Variants in CACNB2 observed in about 807,000 individuals in gnomAD.
CACNB2 encodes the protein voltage-dependent L-type calcium channel subunit beta-2.
In CACNB2, 42 loss-of-function variants were observed where a neutral mutation model predicts 73.3. The observed-to-expected ratio is 0.57, with a 90% confidence interval of 0.45 to 0.74. CACNB2 has a LOEUF of 0.74. Ranked by LOEUF, CACNB2 falls within the 30% of genes least tolerant of loss-of-function variation. The probability of loss-of-function intolerance (pLI) is 0.00; values close to 1 mark genes in which losing one functional copy is unlikely to be tolerated. For missense variants in CACNB2, 940 were observed against 853.0 expected, an observed-to-expected ratio of 1.10 and a Z score of -1.27; for synonymous variants, 348 against 310.3, an observed-to-expected ratio of 1.12 and a Z score of -1.28.
chr10:18,407,078 G>A (rs1270486005), intron 3 of CACNB2, among the ~76,000 whole-genome samples: 1 of 133,888 alleles, frequency 7.5e-6, no homozygotes, highest in Non-Finnish European at 1.6e-5. Flanking sequence ...TTTACTTCAT[G>A]GTCTTCTAAA....
chr10:18,536,243 C>CTTTTCTTTTTT lies in CACNB2; in HGVS notation c.1302+51_1302+52insCTTTTTTTTTT, dbSNP rs1327787339. On this transcript the variant is annotated intron_variant, in intron 12 of 13. Coordinates refer to ENST00000324631, the MANE Select transcript of CACNB2 (RefSeq NM_201596.3). ...CATAATCCAGTTACAGAGATCAGAC[C>CTTTTCTTTTTT]TTTTTTTTTTTTTTTTTTTTTTTTT... 2.6e-3 allele frequency: 729 copies of CTTTTCTTTTTT among 282,430 alleles called. 52 individuals are homozygous for CTTTTCTTTTTT. Among genetic ancestry groups the CTTTTCTTTTTT allele is most frequent in the South Asian group, 4.2e-3 (114 of 26,934 alleles). The allele number at this position is 282,430 out of a possible 1,614,324, so 17.5% of individuals were successfully genotyped here.
intron 9 of CACNB2, among the ~76,000 whole-genome samples, chr10:18,523,229 A>C (rs1350456366): frequency 6.6e-6 from 1 of 152,198 alleles, no homozygotes; most frequent in Non-Finnish European, 1.5e-5. Context: ...TGAACACTAA[A>C]AAAAATTCTG....
intron 2 of CACNB2, among the ~76,000 whole-genome samples, chr10:18,326,201 G>T (rs2040585682): frequency 2.6e-5 from 4 of 152,060 alleles, no homozygotes; most frequent in Admixed American, 2.0e-4. Flanking sequence ...TTTTAAAAAG[G>T]AAAAAAATGG....
At chr10:18,154,639 C>A (rs565106439) in intron 2 of CACNB2, among the ~76,000 whole-genome samples, 1 of 151,962 alleles carries the variant, frequency 6.6e-6, no homozygotes, top group African/African-American at 2.4e-5. Context: ...GGCTAATATT[C>A]GTATTTTTAG....
At chr10:18,314,553 C>G (rs2040083904) in intron 2 of CACNB2, among the ~76,000 whole-genome samples, 1 of 151,544 alleles carries the variant, frequency 6.6e-6, no homozygotes, top group African/African-American at 2.4e-5. Flanking sequence ...AATTGAAATT[C>G]CACAGTTCAT....
chr10:18,539,325 C>G lies in CACNB2; in HGVS notation c.1584C>G (p.Ser528=), dbSNP rs759979332. 6.2e-7 allele frequency: 1 copy of G among 1,613,926 alleles called. No homozygotes were observed. The highest frequency in any genetic ancestry group is 2.2e-5 in the East Asian group (1 of 44,858). ...EEPSVEPVKK[S]QHRSSSSAPH... is the part of the protein sequence containing the mutation. ...CTAGTGTGGAACCAGTCAAGAAATC[C>G]CAGCACCGCTCTTCCTCCTCAGCCC... The change falls in exon 14 of 14, where the codon TCC becomes TCG. Residue 528 remains serine, a synonymous_variant. Transcript: ENST00000324631.
chr10:18,474,238 G>A (rs556691860), intron 3 of CACNB2, among the ~76,000 whole-genome samples: 1 of 152,190 alleles, frequency 6.6e-6, no homozygotes, highest in Non-Finnish European at 1.5e-5. Flanking sequence ...GCACCCTGCA[G>A]ACTTGCTGTT....
At chr10:18,469,336 T>A (rs569121222) in intron 3 of CACNB2, among the ~76,000 whole-genome samples, 139 of 152,336 alleles carry the variant, frequency 9.1e-4, no homozygotes, top group Admixed American at 9.1e-3. Flanking sequence ...ATGGGTTGGT[T>A]TTTATCATTC....
chr10:18,246,162 A>G (rs549145648), intron 2 of CACNB2, among the ~76,000 whole-genome samples: 1 of 152,298 alleles, frequency 6.6e-6, no homozygotes, highest in South Asian at 2.1e-4. Flanking sequence ...ATTGAAGCCC[A>G]CTACCCTTCC....
rs556649374 is a variant in CACNB2 at position 18,387,667 on chromosome 10, A to G, written c.214-14257A>G. Among the ~76,000 whole-genome samples the G allele has an allele frequency of 3.5e-4, 54 of 152,278 alleles. 1 individual carries two copies. In the South Asian group the frequency reaches 0.011, roughly 30 times the overall value. On this transcript the variant is annotated intron_variant, in intron 2 of 13. Transcript: ENST00000324631. ...ATAGTAGAAGGATCTAGCACATAAC[A>G]TATGCATACACTACCAGGCTGTGAG...
At chr10:18,506,795 T>C in intron 6 of CACNB2, among the ~76,000 whole-genome samples, 1 of 152,182 alleles carries the variant, frequency 6.6e-6, no homozygotes, top group South Asian at 2.1e-4. Flanking sequence ...AATGTATTTA[T>C]TTATTTATTT....
At position 18,459,796 on chromosome 10, in the gene CACNB2, C is replaced by T. The variant is rs137909292; in HGVS notation, c.334-38559C>T. The stretch of plus-strand genomic sequence containing the variant: ...CCGTGATGGGTGGATCACCTGAGGT[C>T]AGGAGTTCAAGACCAACCTGGCCAA... On this transcript the variant is annotated intron_variant, in intron 3 of 13. Coordinates refer to ENST00000324631, the MANE Select transcript of CACNB2 (RefSeq NM_201596.3). Among the ~76,000 whole-genome samples the T allele has an allele frequency of 2.9e-3, 445 of 152,228 alleles. 1 individual carries two copies. The highest frequency in any genetic ancestry group is 5.4e-3 in the African/African-American group (226 of 41,546).
chr10:18,252,643 C>T (rs1460852981), intron 2 of CACNB2, among the ~76,000 whole-genome samples: 1 of 152,122 alleles, frequency 6.6e-6, no homozygotes, highest in African/African-American at 2.4e-5. Context: ...TAGATAGATA[C>T]ATAGCTGTAG....
chr10:18,361,631 G>A (rs1432514326), intron 2 of CACNB2, among the ~76,000 whole-genome samples: 65 of 95,116 alleles, frequency 6.8e-4, no homozygotes, highest in Middle Eastern at 7.0e-3. Context: ...TTTTTTTTTC[G>A]AAACATAGTC....
chr10:18,236,515 GC>G (rs1337436606), intron 2 of CACNB2, among the ~76,000 whole-genome samples: 2 of 152,122 alleles, frequency 1.3e-5, no homozygotes, highest in Non-Finnish European at 2.9e-5. Context: ...CCCTCAGTAG[GC>G]CCCCCAAGAG....
chr10:18,481,760 T>C (rs1284418410), intron 3 of CACNB2, among the ~76,000 whole-genome samples: 1 of 152,204 alleles, frequency 6.6e-6, no homozygotes, highest in Non-Finnish European at 1.5e-5. Flanking sequence ...TGCCTCAGTA[T>C]CTGCTGTCTG....
At chr10:18,326,097 T>C (rs2040581685) in intron 2 of CACNB2, among the ~76,000 whole-genome samples, 1 of 152,152 alleles carries the variant, frequency 6.6e-6, no homozygotes, top group Admixed American at 6.5e-5. Context: ...CCTGACTCTG[T>C]TGTCTTCTAT....
chr10:18,464,418 T>TAAAAAAA lies in CACNB2; in HGVS notation c.334-33921_334-33915dup, dbSNP rs762982462. 6.0e-3 allele frequency among the ~76,000 whole-genome samples: 512 copies of TAAAAAAA among 85,234 alleles called. 14 individuals carry two copies. The highest frequency in any genetic ancestry group is 0.02 in the African/African-American group (487 of 24,892). The allele number at this position is 85,234 out of a possible 152,430, so 55.9% of individuals were successfully genotyped here. A position where few individuals can be genotyped will look rare whatever the true frequency, so the allele number is the denominator to read the frequency against. ...CAGAGTGAGACCCTGTCTCAAAAAT[T>TAAAAAAA]AAAAAAAAAAAAAAAAAAAAAAGAA... On this transcript the variant is annotated intron_variant, in intron 3 of 13. Coordinates refer to ENST00000324631, the MANE Select transcript of CACNB2 (RefSeq NM_201596.3).
chr10:18,325,983 T>A lies in CACNB2; in HGVS notation c.214-75941T>A, dbSNP rs2040575358. On this transcript the variant is annotated intron_variant, in intron 2 of 13. Coordinates refer to ENST00000324631, the MANE Select transcript of CACNB2 (RefSeq NM_201596.3). ...TGGTCTTGAACTCCTGGGCTCAAAC[T>A]CCTGGGCTCCCAAAGCTGCTGAGAT... Among the ~76,000 whole-genome samples the A allele has an allele frequency of 1.3e-5, 2 of 151,998 alleles. 1 individual carries two copies.
Sources: allele counts gnomAD v4.1 joint callset (sites outside exome capture counted in the v4.1 genomes callset), GRCh38; gene constraint gnomAD v4.1.1; transcripts MANE v1.5; gene names NCBI Gene and HGNC (gene_info 2026-07-23, HGNC 2026-07-21).